ANKHD1: variants seen among roughly 807,000 people sequenced by gnomAD.
ANKHD1 encodes ankyrin repeat and KH domain containing 1, also known as ankyrin repeat and KH domain-containing protein 1.
A neutral mutation model predicts 230.5 loss-of-function variants in ANKHD1; 31 were observed. The observed-to-expected ratio is 0.13, with a 90% CI of 0.10 to 0.18. The LOEUF is 0.18. Among genes scored for constraint, ANKHD1 ranks in the 10% least tolerant of loss-of-function variants. The probability of loss-of-function intolerance (pLI) is 1.00; values close to 1 mark genes in which losing one functional copy is unlikely to be tolerated. For missense variants in ANKHD1, 2,256 were observed against 3,071.3 expected (o/e 0.73, Z 6.27); for synonymous variants, 1,074 against 1,117.6 (o/e 0.96, Z 0.78).
At chr5:140,430,072 T>C (rs750345478) in intron 1 of ANKHD1, among the ~76,000 whole-genome samples, 2 of 152,230 alleles carry the variant, frequency 1.3e-5, no homozygotes, top group African/African-American at 2.4e-5. Flanking sequence ...TCCCTTTTGT[T>C]TGTTTTAGTT....
intron 1 of ANKHD1, among the ~76,000 whole-genome samples, chr5:140,435,878 A>G (rs999258802): frequency 2.6e-5 from 4 of 152,264 alleles, no homozygotes; most frequent in Admixed American, 6.5e-5. Context: ...AGAATATACA[A>G]TGCTCTTGAG....
At chr5:140,494,319 TAA>T (rs1159252474) in intron 14 of ANKHD1, among the ~76,000 whole-genome samples, 6 of 152,300 alleles carry the variant, frequency 3.9e-5, no homozygotes, top group African/African-American at 1.4e-4. Flanking sequence ...TCTGAAAGAA[TAA>T]AGTCTTTTTC....
chr5:140,479,367 A>G (rs1350625846), intron 10 of ANKHD1, among the ~76,000 whole-genome samples: 1 of 152,124 alleles, frequency 6.6e-6, no homozygotes, highest in Non-Finnish European at 1.5e-5. Flanking sequence ...ACTGCATGAT[A>G]TTTAAGTTTG....
At position 140,537,538 on chromosome 5, in the gene ANKHD1, G is replaced by A. The variant is rs754457986; in HGVS notation, c.7177G>A (p.Ala2393Thr). 3.6e-5 allele frequency: 58 copies of A among 1,611,046 alleles called. No individual in the cohort carries two copies. In the East Asian group the frequency reaches 5.4e-4, roughly 15 times the overall value. ...AGCCCCGGCGGGGACCAGTTTTGTC[G>A]CTCCCGTTGGACACAGTGGAATCTG... ...AQAPAGTSFV[A>T]PVGHSGIWSF... Residue 2393 changes from alanine (A) to threonine (T), a missense_variant, in exon 31 of 34, where the codon GCT becomes ACT. Ala to Thr is a moderately conservative substitution (Grantham distance 58). Transcript: ENST00000360839.
intron 9 of ANKHD1, among the ~76,000 whole-genome samples, chr5:140,461,645 C>G (rs1307911168): frequency 4.6e-5 from 7 of 152,040 alleles, no homozygotes; most frequent in Non-Finnish European, 8.8e-5. Context: ...TCTTCCACAT[C>G]CCCATTCTTA....
intron 7 of ANKHD1, among the ~76,000 whole-genome samples, chr5:140,452,076 C>T (rs1774785558): frequency 6.6e-6 from 1 of 152,130 alleles, no homozygotes; most frequent in Admixed American, 6.6e-5. Context: ...AGATTATATC[C>T]CGCGCGTGGC....
At chr5:140,423,014 A>T (rs1053206057) in intron 1 of ANKHD1, among the ~76,000 whole-genome samples, 1 of 151,066 alleles carries the variant, frequency 6.6e-6, no homozygotes. Flanking sequence ...TCCACACCCC[A>T]CCCCTGCAGC....
Position 140,440,228 on chromosome 5 carries a change from T to C in ANKHD1, c.727T>C (p.Cys243Arg), listed in dbSNP as rs930161510. The part of the protein sequence containing the change: ...EHTEEGESLL[C>R]LACSAGYYEL... ...TACAGAAGAAGGAGAAAGCCTGCTG[T>C]GTTTGGCTTGTTCAGCAGGGTATTA... The change falls in exon 4 of 34, where the codon TGT becomes CGT. Residue 243 changes from cysteine to arginine, a missense_variant. Cys to Arg is a radical substitution (Grantham distance 180). This residue lies in a region of ANKHD1 where 206 missense variants were observed against 304.5 expected (regional missense o/e 0.68). Coordinates refer to ENST00000360839, the MANE Select transcript of ANKHD1 (RefSeq NM_017747.3). The C allele has an allele frequency of 6.2e-7, 1 of 1,613,204 alleles. No individual in the cohort carries two copies. The highest frequency in any genetic ancestry group is 1.3e-5 in the African/African-American group (1 of 74,984).
intron 1 of ANKHD1, among the ~76,000 whole-genome samples, chr5:140,416,727 C>T (rs1450168568): frequency 1.3e-5 from 2 of 151,998 alleles, no homozygotes; most frequent in East Asian, 1.9e-4. Flanking sequence ...TCAAGTGATC[C>T]TCCCACCTTG....
intron 33 of ANKHD1, 80 bp from the exon 34 acceptor site, chr5:140,539,279 G>C: frequency 6.3e-7 from 1 of 1,598,502 alleles, no homozygotes; most frequent in Non-Finnish European, 8.5e-7. Context: ...ACAGTGAATT[G>C]CCATTGCATT....
At chr5:140,484,786 A>T (rs997789620) in intron 11 of ANKHD1, 3 of 157,836 alleles carry the variant, frequency 1.9e-5, no homozygotes, top group African/African-American at 7.2e-5. Context: ...AGCCAGACGC[A>T]AAAGAGTACA....
chr5:140,474,646 G>A (rs1229758547), intron 10 of ANKHD1, among the ~76,000 whole-genome samples: 3 of 135,308 alleles, frequency 2.2e-5, no homozygotes, highest in African/African-American at 8.4e-5. Context: ...GCTCAGGCTA[G>A]AGTACAAAAG....
chr5:140,514,902 G>A (rs1752924767), intron 24 of ANKHD1, among the ~76,000 whole-genome samples: 1 of 151,368 alleles, frequency 6.6e-6, no homozygotes, highest in Non-Finnish European at 1.5e-5. Flanking sequence ...GGCCTGGGAG[G>A]TTGAGGCTGC....
chr5:140,442,883 C>T (rs1773966587), intron 5 of ANKHD1, among the ~76,000 whole-genome samples: 1 of 151,572 alleles, frequency 6.6e-6, no homozygotes, highest in Non-Finnish European at 1.5e-5. Context: ...TTTGACTTCA[C>T]TTATTTTCTA....
chr5:140,411,512 T>G (rs1032192611), intron 1 of ANKHD1, among the ~76,000 whole-genome samples: 1 of 150,022 alleles, frequency 6.7e-6, no homozygotes, highest in Admixed American at 6.6e-5. Context: ...TTTTTTTTTT[T>G]GGCTGTTTTT....
intron 14 of ANKHD1, among the ~76,000 whole-genome samples, chr5:140,491,352 A>G (rs1302360752): frequency 6.6e-6 from 1 of 150,910 alleles, no homozygotes; most frequent in Non-Finnish European, 1.5e-5. Flanking sequence ...TTTGGTAGAG[A>G]CAGGGTTTTG....
At position 140,485,968 on chromosome 5, in the gene ANKHD1, C is replaced by T. The variant is rs999144594; in HGVS notation, c.2142+236C>T. The T allele has an allele frequency of 1.4e-5, 7 of 502,524 alleles. No homozygotes were observed. The highest frequency in any genetic ancestry group is 4.1e-5 in the Admixed American group (1 of 24,386). The allele number at this position is 502,524 out of a possible 1,614,324, so 31.1% of individuals were successfully genotyped here. A position where few individuals can be genotyped will look rare whatever the true frequency, so the allele number is the denominator to read the frequency against. ...AAAACCACTTAATATCAAATATAAACGTAAGTATTCTAAGTTGTTATCTTA... is the reference window on the plus strand; with the variant it reads ...AAAACCACTTAATATCAAATATAAATGTAAGTATTCTAAGTTGTTATCTTA... On this transcript the variant is annotated intron_variant, in intron 13 of 33. Coordinates refer to ENST00000360839, the MANE Select transcript of ANKHD1 (RefSeq NM_017747.3). The surrounding 1 kb of genome is among the most constrained non-coding windows in gnomAD (Gnocchi z 4.8).
At chr5:140,452,939 G>A (rs1053766387) in intron 7 of ANKHD1, among the ~76,000 whole-genome samples, 34 of 152,220 alleles carry the variant, frequency 2.2e-4, no homozygotes, top group African/African-American at 6.5e-4. Context: ...GAGGAAGTTC[G>A]AACCCAACAC....
chr5:140,409,626 C>G (rs994114351), intron 1 of ANKHD1, among the ~76,000 whole-genome samples: 1 of 150,956 alleles, frequency 6.6e-6, no homozygotes, highest in Non-Finnish European at 1.5e-5. Flanking sequence ...GATCTCGGCT[C>G]ACTGCAGCCT....
Sources: gnomAD v4.1 joint callset for allele counts (sites outside exome capture counted in the v4.1 genomes callset) on GRCh38, gnomAD v4.1.1 for gene constraint, gnomAD v4.1.1 regional missense constraint, Gnocchi (gnomAD v3.1) non-coding constraint, MANE v1.5 for transcripts, NCBI Gene and HGNC (gene_info 2026-07-23, HGNC 2026-07-21) for gene names.